FBRSL1: variants seen among roughly 807,000 people sequenced by gnomAD.
FBRSL1 encodes fibrosin-1-like protein.
FBRSL1 carries 51 observed loss-of-function variants against 89.6 expected under a neutral mutation model. The observed-to-expected ratio is 0.57, with a 90% CI of 0.45 to 0.72. The LOEUF is 0.72. Among genes scored for constraint, FBRSL1 ranks in the 30% least tolerant of loss-of-function variants. FBRSL1 has a pLI of 0.00. For synonymous variants in FBRSL1, 779 were observed against 681.1 expected (o/e 1.14, Z -2.24); for missense variants, 1,618 against 1,451.8 (o/e 1.11, Z -1.86).
At chr12:132,566,532 T>A (rs1369276254) in intron 5 of FBRSL1, 2 of 31,080 alleles carry the variant, frequency 6.4e-5, no homozygotes, top group Admixed American at 4.0e-4. Context: ...CGTCCACCCC[T>A]CCCCATCAGC....
At chr12:132,573,835 T>C (rs1282857731) in intron 11 of FBRSL1, among the ~76,000 whole-genome samples, 1 of 152,172 alleles carries the variant, frequency 6.6e-6, no homozygotes, top group African/African-American at 2.4e-5. Context: ...GTCTCGGCCC[T>C]GGTGGCAAGT....
Position 132,490,547 on chromosome 12 carries a change from G to T in FBRSL1, c.-24G>T. 1 of 980,846 alleles carries T rather than the reference G, an allele frequency of 1.0e-6. No homozygotes were observed. The highest frequency in any genetic ancestry group is 1.8e-5 in the African/African-American group (1 of 56,672). 60.8% of individuals were successfully genotyped at this position (980,846 alleles called of 1,614,324 possible). A position where few individuals can be genotyped will look rare whatever the true frequency, so the allele number is the denominator to read the frequency against. On this transcript the variant is annotated 5_prime_UTR_variant, in exon 1 of 19. Transcript: ENST00000680143. ...CAGGCGCGGGGCGTCAAGGTCACCG[G>T]CCCGACGGGGCGCACGCGCGGCCAT...
chr12:132,507,610 G>A (rs986565432), intron 1 of FBRSL1, among the ~76,000 whole-genome samples: 6 of 152,226 alleles, frequency 3.9e-5, no homozygotes, highest in South Asian at 4.1e-4. Flanking sequence ...AGGTGAACAC[G>A]GGGAAGCATC....
intron 2 of FBRSL1, among the ~76,000 whole-genome samples, chr12:132,518,904 C>T (rs1419170743): frequency 6.7e-6 from 1 of 149,410 alleles, no homozygotes. Flanking sequence ...CATCCACCCA[C>T]CCACCCGTCT....
Position 132,572,507 on chromosome 12 carries a change from C to A in FBRSL1, c.1435-20C>A. On this transcript the variant is annotated intron_variant, in intron 10 of 18. Coordinates refer to ENST00000680143, the MANE Select transcript of FBRSL1 (RefSeq NM_001367871.1). Reference sequence around the variant, plus strand: ...GTGAGGACTTGGGCCCCCCCTCCATCCGCTCTCCTTCTCTTACAGTTCTTC... The same window carrying A: ...GTGAGGACTTGGGCCCCCCCTCCATACGCTCTCCTTCTCTTACAGTTCTTC... 1 of 1,541,662 alleles carries A rather than the reference C, an allele frequency of 6.5e-7. No homozygotes were observed. The highest frequency in any genetic ancestry group is 8.8e-7 in the Non-Finnish European group (1 of 1,137,910).
intron 2 of FBRSL1, chr12:132,511,388 C>T (rs988440860): frequency 1.1e-5 from 11 of 985,698 alleles, no homozygotes; most frequent in South Asian, 9.4e-5. Flanking sequence ...TACCCCTGGG[C>T]CCATCCCTGC....
At chr12:132,573,956 C>A (rs977592924) in intron 11 of FBRSL1, 134 bp from the exon 12 acceptor site, 8 of 313,602 alleles carry the variant, frequency 2.6e-5, no homozygotes, top group Non-Finnish European at 3.9e-5. Context: ...GGCAGGCTGT[C>A]CCTGGGAGAC....
rs552709695 is a variant in FBRSL1, at chr12:132,566,582, C to T, written c.646-899C>T. On this transcript the variant is annotated intron_variant, in intron 5 of 18. Transcript: ENST00000680143. ...CACCTGCTTGTGGCAGGTGGTTGAGCGAGTTTCTCTGGAAGAGATGGAGGA... is the reference window on the plus strand; with the variant it reads ...CACCTGCTTGTGGCAGGTGGTTGAGTGAGTTTCTCTGGAAGAGATGGAGGA... Among the ~76,000 whole-genome samples, 6 of 152,334 alleles carry T rather than the reference C, an allele frequency of 3.9e-5. No homozygotes were observed. The East Asian group carries it at 5.8e-4, about 15-fold the overall frequency.
intron 2 of FBRSL1, among the ~76,000 whole-genome samples, chr12:132,520,112 ACCTCCAGCACCCCCTCCTTGCACC>A: frequency 3.8e-5 from 2 of 52,806 alleles, no homozygotes; most frequent in Non-Finnish European, 8.1e-5. Context: ...CTCCTTGCAC[ACCTCCAGCACCCCCTCCTTGCACC>A]CCTCCAGCAC....
chr12:132,500,306 G>A (rs1405324981), intron 1 of FBRSL1, among the ~76,000 whole-genome samples: 1 of 152,190 alleles, frequency 6.6e-6, no homozygotes, highest in Non-Finnish European at 1.5e-5. Flanking sequence ...CCCACTGTGG[G>A]TGCTGTGCTG....
At chr12:132,510,840 T>C (rs1341055520) in intron 2 of FBRSL1, 16 of 1,072,070 alleles carry the variant, frequency 1.5e-5, no homozygotes, top group Non-Finnish European at 1.5e-5. Flanking sequence ...CTCAGCGTCT[T>C]TCTGTGCCTC....
chr12:132,560,709 G>T (rs1372567163), intron 5 of FBRSL1, among the ~76,000 whole-genome samples: 2 of 152,172 alleles, frequency 1.3e-5, no homozygotes, highest in Non-Finnish European at 2.9e-5. Flanking sequence ...TGTGCACCTC[G>T]CGGGGGCTGA....
chr12:132,502,518 C>T (rs1327548184), intron 1 of FBRSL1, among the ~76,000 whole-genome samples: 4 of 152,164 alleles, frequency 2.6e-5, no homozygotes, highest in East Asian at 1.9e-4. Flanking sequence ...AGGCCTGGCA[C>T]GTGACAGTGG....
rs12816694 is a variant in FBRSL1, at chr12:132,555,406, C to A, written c.645+7374C>A. ...TGAGCGTGGCCTCCACGGTAGCCGC[C>A]CCACCCGAGCGTGAGCATGGCCTCC... On this transcript the variant is annotated intron_variant, in intron 5 of 18. Transcript: ENST00000680143. 1.3e-3 allele frequency among the ~76,000 whole-genome samples: 125 copies of A among 98,506 alleles called. 6 individuals are homozygous for A. Among genetic ancestry groups the A allele is most frequent in the African/African-American group, 4.1e-3 (98 of 23,954 alleles). 64.6% of individuals were successfully genotyped at this position (98,506 alleles called of 152,430 possible). A position where few individuals can be genotyped will look rare whatever the true frequency, so the allele number is the denominator to read the frequency against.
rs559325754 is a variant in FBRSL1 at position 132,572,762 on chromosome 12, G to A, written c.1530+140G>A. 1.3e-3 allele frequency: 857 copies of A among 677,624 alleles called. 3 individuals are homozygous for A. Among genetic ancestry groups the A allele is most frequent in the African/African-American group, 0.012 (685 of 56,138 alleles). The allele number at this position is 677,624 out of a possible 1,614,324, so 42.0% of individuals were successfully genotyped here. Reference sequence around the variant, plus strand: ...TACCTGTCGTCATCTGGGTGCTGGCGTGAGCAGCCCCTGCCAGGATGGGGG... The same window carrying A: ...TACCTGTCGTCATCTGGGTGCTGGCATGAGCAGCCCCTGCCAGGATGGGGG... On this transcript the variant is annotated intron_variant, in intron 11 of 18. Coordinates refer to ENST00000680143, the MANE Select transcript of FBRSL1 (RefSeq NM_001367871.1).
At chr12:132,507,438 G>A (rs2033818118) in intron 1 of FBRSL1, 1 of 985,280 alleles carries the variant, frequency 1.0e-6, no homozygotes, top group Non-Finnish European at 1.2e-6. Flanking sequence ...CCAGAACCTG[G>A]GGCTGCCCGA....
chr12:132,515,949 G>A (rs1013290855), intron 2 of FBRSL1, among the ~76,000 whole-genome samples: 1 of 150,654 alleles, frequency 6.6e-6, no homozygotes, highest in Non-Finnish European at 1.5e-5. Flanking sequence ...AGACAATAGA[G>A]GAAATGAACA....
intron 4 of FBRSL1, among the ~76,000 whole-genome samples, chr12:132,547,673 A>G (rs1408280643): frequency 6.6e-6 from 1 of 152,156 alleles, no homozygotes; most frequent in Non-Finnish European, 1.5e-5. Context: ...GGGGGTCTTC[A>G]TGGCCGCCCT....
chr12:132,527,920 G>T, intron 3 of FBRSL1, 33 bp from the exon 4 acceptor site: 1 of 1,550,422 alleles, frequency 6.4e-7, no homozygotes, highest in Non-Finnish European at 8.7e-7. Context: ...CCGAGTGGCA[G>T]CCTCACTGAC....
Sources: allele counts gnomAD v4.1 joint callset (sites outside exome capture counted in the v4.1 genomes callset), GRCh38; gene constraint gnomAD v4.1.1; transcripts MANE v1.5; gene names NCBI Gene and HGNC (gene_info 2026-07-23, HGNC 2026-07-21).